MYH11: variants seen among roughly 807,000 people sequenced by gnomAD.
MYH11 encodes myosin-11.
Under a neutral mutation model 246.6 loss-of-function variants are expected in MYH11, and 80 were observed. The ratio of observed to expected loss-of-function variants is 0.32; its 90% CI spans 0.27 to 0.39. The LOEUF is 0.39. MYH11 is among the 10% of genes least tolerant of loss of function. The probability of loss-of-function intolerance (pLI) is 1.00; values close to 1 mark genes in which losing one functional copy is unlikely to be tolerated. For missense variants in MYH11, 2,158 were observed against 2,546.8 expected (o/e 0.85, Z 3.29); for synonymous variants, 1,071 against 1,015.5 (o/e 1.05, Z -1.04).
intron 14 of MYH11, among the ~76,000 whole-genome samples, chr16:15,756,027 G>A (rs888051776): frequency 2.6e-5 from 4 of 152,256 alleles, no homozygotes; most frequent in Non-Finnish European, 1.5e-5. Context: ...GAGCCCAGGA[G>A]GTTGAGGCTG....
In MYH11 at chr16:15,748,039, G is replaced by T. The variant is rs372624513; in HGVS notation, c.2180+8C>A. ...CCTGCCCTACCTGGGCCAGACCTTG[G>T]GACTTACCGTTGGCGGAACTCCTGG... On this transcript the variant is annotated splice_region_variant and intron_variant, in intron 17 of 40. Transcript: ENST00000300036. The T allele has an allele frequency of 6.2e-6, 10 of 1,614,076 alleles. No individual in the cohort carries two copies. Among genetic ancestry groups the T allele is most frequent in the Non-Finnish European group, 8.5e-6 (10 of 1,180,048 alleles).
rs554847714 is a variant in MYH11, at chr16:15,706,066, CAG to C, written c.5787-1945_5787-1944del. Among the ~76,000 whole-genome samples the C allele has an allele frequency of 6.7e-5, 10 of 149,582 alleles. No homozygotes were observed. In the East Asian group the frequency reaches 1.8e-3, roughly 26 times the overall value. On this transcript the variant is annotated intron_variant, in intron 40 of 40. Coordinates refer to ENST00000300036, the MANE Select transcript of MYH11 (RefSeq NM_002474.3). Reference sequence around the variant, plus strand: ...AATTCGCAAATGACCCTTTTGTTGACAGAGGATGGGAGAGACCCCGGCTGGGA... The same window carrying C: ...AATTCGCAAATGACCCTTTTGTTGACAGGATGGGAGAGACCCCGGCTGGGA...
chr16:15,856,333 T>TA (rs548513969), intron 1 of MYH11, among the ~76,000 whole-genome samples: 55,117 of 140,132 alleles, frequency 0.39, 10,951 homozygotes, highest in East Asian at 0.58. Context: ...CTAAACTGAT[T>TA]AAAAAAAAAA....
Position 15,757,198 on chromosome 16 carries a change from C to G in MYH11, c.1575+629G>C, listed in dbSNP as rs1043427832. Among the ~76,000 whole-genome samples, 15 of 151,480 alleles carry G rather than the reference C, an allele frequency of 9.9e-5. 1 individual carries two copies. Among genetic ancestry groups the G allele is most frequent in the Admixed American group, 7.2e-4 (11 of 15,256 alleles). Reference sequence around the variant, plus strand: ...TGGAGACAGGGTCTCACTCTGTTATCCAGGCTGGAATGCAGTGGCGCAATC... The same window carrying G: ...TGGAGACAGGGTCTCACTCTGTTATGCAGGCTGGAATGCAGTGGCGCAATC... On this transcript the variant is annotated intron_variant, in intron 13 of 40. Coordinates refer to ENST00000300036, the MANE Select transcript of MYH11 (RefSeq NM_002474.3).
chr16:15,812,551 T>TTAAAAAA (rs2043163238), intron 3 of MYH11, among the ~76,000 whole-genome samples: 1 of 37,400 alleles, frequency 2.7e-5, no homozygotes, highest in Non-Finnish European at 4.4e-5. Context: ...ATCTTATCTC[T>TTAAAAAA]AAAAAAAAAA....
At chr16:15,759,134 G>A (rs889915998) in intron 12 of MYH11, among the ~76,000 whole-genome samples, 1 of 151,408 alleles carries the variant, frequency 6.6e-6, no homozygotes, top group African/African-American at 2.4e-5. Flanking sequence ...ATTCAGGTGA[G>A]TAAGAGTCAG....
chr16:15,823,124 CT>C (rs1567200251), intron 3 of MYH11, 130 bp downstream of exon 3: 5 of 1,340,342 alleles, frequency 3.7e-6, no homozygotes, highest in Non-Finnish European at 5.2e-6. Context: ...TGCTTTTTCC[CT>C]TTTTCAGCCA....
intron 9 of MYH11, among the ~76,000 whole-genome samples, chr16:15,766,344 GGTGTGTGTGTGT>G (rs3073439): frequency 3.5e-3 from 479 of 136,774 alleles, no homozygotes; most frequent in African/African-American, 0.012. Flanking sequence ...CATGTTTTTT[GGTGTGTGTGTGT>G]GTGTGTGTGT....
intron 27 of MYH11, among the ~76,000 whole-genome samples, chr16:15,730,132 C>G (rs1337949700): frequency 6.6e-6 from 1 of 152,070 alleles, no homozygotes; most frequent in Non-Finnish European, 1.5e-5. Flanking sequence ...CCGTTGCCTT[C>G]CACCATGATG....
intron 2 of MYH11, 24 bp from the exon 3 acceptor site, chr16:15,823,435 C>G (rs189944724): frequency 1.2e-6 from 2 of 1,614,194 alleles, no homozygotes; most frequent in Admixed American, 3.3e-5. Flanking sequence ...ACCCAGCTTA[C>G]TTCCAGACCT....
intron 40 of MYH11, among the ~76,000 whole-genome samples, chr16:15,706,974 A>G (rs554888667): frequency 3.9e-5 from 6 of 152,318 alleles, no homozygotes; most frequent in African/African-American, 1.4e-4. Context: ...GTTGACACCA[A>G]CTATACCTGT....
At chr16:15,837,886 C>G in intron 2 of MYH11, 22 bp downstream of exon 2, 1 of 1,603,160 alleles carries the variant, frequency 6.2e-7, no homozygotes, top group Non-Finnish European at 8.5e-7. Flanking sequence ...GGAGTAGGTA[C>G]CTGGCTGCCT....
chr16:15,827,496 G>A (rs1169623059), intron 2 of MYH11, among the ~76,000 whole-genome samples: 2 of 152,148 alleles, frequency 1.3e-5, no homozygotes, highest in Admixed American at 6.5e-5. Flanking sequence ...GGTAAGCGGG[G>A]CCCAGGAGCA....
rs77471768 is a variant in MYH11 at position 15,750,451 on chromosome 16, C to T, written c.1865-120G>A. ...CTCCAATCTTTCCTTCCATCACCAA[C>T]GCCTCCTTCGGCAGTCAGGGTTTCC... On this transcript the variant is annotated intron_variant, in intron 15 of 40. Coordinates refer to ENST00000300036, the MANE Select transcript of MYH11 (RefSeq NM_002474.3). The surrounding 1 kb of genome is among the most constrained non-coding windows in gnomAD (Gnocchi z 4.3). The T allele has an allele frequency of 2.0e-5, 19 of 972,418 alleles. No homozygotes were observed. The highest frequency in any genetic ancestry group is 4.8e-5 in the African/African-American group (3 of 61,986). The allele number at this position is 972,418 out of a possible 1,614,324, so 60.2% of individuals were successfully genotyped here. A position where few individuals can be genotyped will look rare whatever the true frequency, so the allele number is the denominator to read the frequency against.
chr16:15,788,077 C>CTTTTTTTTTTTTTTTTTTTTTTTTT lies in MYH11; in HGVS notation c.531-1346_531-1345insAAAAAAAAAAAAAAAAAAAAAAAAA, dbSNP rs1555569336. Among the ~76,000 whole-genome samples, 470 of 55,274 alleles carry CTTTTTTTTTTTTTTTTTTTTTTTTT rather than the reference C, an allele frequency of 8.5e-3. 76 individuals carry two copies. Among genetic ancestry groups the CTTTTTTTTTTTTTTTTTTTTTTTTT allele is most frequent in the Middle Eastern group, 0.013 (1 of 76 alleles). The allele number at this position is 55,274 out of a possible 152,430, so 36.3% of individuals were successfully genotyped here. On this transcript the variant is annotated intron_variant, in intron 4 of 40. Transcript: ENST00000300036. ...GTCCTCCTGGAATATGAAGGTAGAT[C>CTTTTTTTTTTTTTTTTTTTTTTTTT]TTTTTTTTTTTTTTTTTTACCAAGA...
intron 40 of MYH11, among the ~76,000 whole-genome samples, chr16:15,711,774 C>G (rs2039811115): frequency 6.6e-6 from 1 of 152,152 alleles, no homozygotes. Context: ...CTCACTGTAA[C>G]CTGTGTCTCC....
intron 6 of MYH11, among the ~76,000 whole-genome samples, chr16:15,780,474 CTTTT>C (rs71134460): frequency 2.9e-5 from 2 of 69,008 alleles, no homozygotes; most frequent in African/African-American, 6.1e-5. Context: ...GATTTTTACG[CTTTT>C]TTTTTTTTTT....
intron 12 of MYH11, among the ~76,000 whole-genome samples, chr16:15,759,088 A>G (rs934044277): frequency 3.9e-5 from 6 of 152,162 alleles, no homozygotes; most frequent in African/African-American, 1.4e-4. Context: ...AAGCTCCTGC[A>G]AACAGTTCTT....
intron 4 of MYH11, 23 bp downstream of exon 4, chr16:15,798,633 AACAG>A: frequency 6.4e-7 from 1 of 1,571,024 alleles, no homozygotes; most frequent in Non-Finnish European, 8.6e-7. Context: ...ACAAAAAAAA[AACAG>A]AAGAAAAAGC....
Sources: gnomAD v4.1 joint callset for allele counts (sites outside exome capture counted in the v4.1 genomes callset) on GRCh38, gnomAD v4.1.1 for gene constraint, Gnocchi (gnomAD v3.1) non-coding constraint, MANE v1.5 for transcripts, NCBI Gene and HGNC (gene_info 2026-07-23, HGNC 2026-07-21) for gene names.